TGFBR3: variants seen among roughly 807,000 people sequenced by gnomAD.
TGFBR3 encodes the protein transforming growth factor beta receptor type 3.
Under a neutral mutation model 87.9 loss-of-function variants are expected in TGFBR3, and 46 were observed. The ratio of observed to expected loss-of-function variants is 0.52; its 90% CI spans 0.41 to 0.67. TGFBR3 has a LOEUF of 0.67. Ranked by LOEUF, TGFBR3 falls within the 30% of genes least tolerant of loss-of-function variation. The probability of loss-of-function intolerance (pLI) is 0.00; values close to 1 mark genes in which losing one functional copy is unlikely to be tolerated. For synonymous variants in TGFBR3, 381 were observed against 391.6 expected, an observed-to-expected ratio of 0.97 and a Z score of 0.32; for missense variants, 866 against 1,041.9, an observed-to-expected ratio of 0.83 and a Z score of 2.32.
At chr1:91,853,259 C>CAAA (rs11340974) in intron 2 of TGFBR3, among the ~76,000 whole-genome samples, 43 of 76,530 alleles carry the variant, frequency 5.6e-4, no homozygotes, top group African/African-American at 6.5e-4. Context: ...TGAGGGTTGG[C>CAAA]AAAAAAAAAA....
chr1:91,791,588 T>C (rs975178091), intron 3 of TGFBR3, among the ~76,000 whole-genome samples: 2 of 152,104 alleles, frequency 1.3e-5, no homozygotes, highest in African/African-American at 4.8e-5. Context: ...TTGCTGGCTG[T>C]CTAACAAAGC....
At chr1:91,695,164 G>A (rs1049563207) in intron 16 of TGFBR3, among the ~76,000 whole-genome samples, 8 of 146,352 alleles carry the variant, frequency 5.5e-5, no homozygotes, top group Non-Finnish European at 1.2e-4. Context: ...TAACTTTATA[G>A]AAAAACATGA....
At chr1:91,757,946 A>C (rs1194322133) in intron 4 of TGFBR3, among the ~76,000 whole-genome samples, 1 of 152,196 alleles carries the variant, frequency 6.6e-6, no homozygotes, top group Non-Finnish European at 1.5e-5. Flanking sequence ...TACAACTACC[A>C]AGTTGCAGTG....
chr1:91,808,616 C>T (rs1675922635), intron 2 of TGFBR3, among the ~76,000 whole-genome samples: 1 of 152,150 alleles, frequency 6.6e-6, no homozygotes, highest in African/African-American at 2.4e-5. Context: ...CAGGCATGCA[C>T]CACCACACCC....
intron 4 of TGFBR3, among the ~76,000 whole-genome samples, chr1:91,736,090 T>C (rs1281705640): frequency 4.6e-5 from 7 of 152,162 alleles, no homozygotes; most frequent in African/African-American, 1.7e-4. Context: ...ATATTTTCTA[T>C]ACAATTATAT....
chr1:91,900,505 A>G (rs1679689043), intron 1 of TGFBR3, among the ~76,000 whole-genome samples: 1 of 152,250 alleles, frequency 6.6e-6, no homozygotes, highest in South Asian at 2.1e-4. Flanking sequence ...AACACTTAAA[A>G]TCACTACTAA....
chr1:91,812,667 C>A (rs1676071374), intron 2 of TGFBR3, among the ~76,000 whole-genome samples: 1 of 152,134 alleles, frequency 6.6e-6, no homozygotes, highest in Admixed American at 6.5e-5. Context: ...GGCTGGAGTG[C>A]AATGGCACCG....
In TGFBR3 at chr1:91,734,053, A is replaced by AGAGG. The variant is rs1553163106; in HGVS notation, c.568+719_568+722dup. ...CTGTTGAAGGAAGGAAGGGAGGGAG[A>AGAGG]GAGGGAGGGAGGGAGGGAGGGAGGA... On this transcript the variant is annotated intron_variant, in intron 5 of 16. Transcript: ENST00000212355. Among the ~76,000 whole-genome samples the AGAGG allele has an allele frequency of 2.7e-3, 130 of 48,656 alleles. 3 individuals are homozygous for AGAGG. Among genetic ancestry groups the AGAGG allele is most frequent in the African/African-American group, 0.011 (101 of 9,508 alleles). 31.9% of individuals were successfully genotyped at this position (48,656 alleles called of 152,430 possible).
At chr1:91,733,419 G>A (rs369392991) in intron 5 of TGFBR3, among the ~76,000 whole-genome samples, 6 of 152,330 alleles carry the variant, frequency 3.9e-5, no homozygotes, top group African/African-American at 1.4e-4. Context: ...TGGGATGCAC[G>A]TGAAGGCCCC....
chr1:91,804,465 T>C (rs565848500), intron 2 of TGFBR3, among the ~76,000 whole-genome samples: 28 of 152,272 alleles, frequency 1.8e-4, no homozygotes, highest in African/African-American at 6.5e-4. Context: ...AGCCAGCTCA[T>C]GAACCTGTCT....
intron 3 of TGFBR3, chr1:91,770,960 CA>C (rs1674357662): frequency 6.6e-6 from 1 of 152,176 alleles, no homozygotes; most frequent in Non-Finnish European, 1.5e-5. Flanking sequence ...CTCAGTAAGT[CA>C]GCAGGGACTC....
chr1:91,748,469 G>GATTTATTTATA (rs1222771259), intron 4 of TGFBR3, among the ~76,000 whole-genome samples: 4 of 152,166 alleles, frequency 2.6e-5, no homozygotes, highest in African/African-American at 9.7e-5. Flanking sequence ...CTTTATTCAA[G>GATTTATTTATA]TGAAATACTG....
intron 4 of TGFBR3, among the ~76,000 whole-genome samples, chr1:91,756,869 T>A (rs1673765022): frequency 6.6e-6 from 1 of 152,176 alleles, no homozygotes; most frequent in African/African-American, 2.4e-5. Flanking sequence ...TACAACATGT[T>A]TTTTTCCTGA....
At chr1:91,830,345 G>GC (rs1248677575) in intron 2 of TGFBR3, among the ~76,000 whole-genome samples, 4 of 152,094 alleles carry the variant, frequency 2.6e-5, no homozygotes, top group Non-Finnish European at 5.9e-5. Context: ...CTTGTGTTTG[G>GC]TATGTCTTTG....
upstream of TGFBR3, among the ~76,000 whole-genome samples, chr1:91,887,452 G>A (rs1032028961): frequency 1.3e-5 from 2 of 151,690 alleles, no homozygotes; most frequent in Admixed American, 6.6e-5. Flanking sequence ...GGTTGGCAGG[G>A]CGGGGGTCTC....
chr1:91,870,312 T>A (rs952387660), intron 1 of TGFBR3, among the ~76,000 whole-genome samples: 23 of 152,204 alleles, frequency 1.5e-4, no homozygotes, highest in African/African-American at 5.5e-4. Flanking sequence ...TCATTTTGTG[T>A]ATAATTTGTT....
At chr1:91,722,175 G>C in intron 7 of TGFBR3, 31 bp from the exon 8 acceptor site, 1 of 1,581,774 alleles carries the variant, frequency 6.3e-7, no homozygotes, top group African/African-American at 1.3e-5. Flanking sequence ...TCACTCATGA[G>C]TCTAAAATTA....
At chr1:91,735,434 C>G (rs527718947) in intron 4 of TGFBR3, among the ~76,000 whole-genome samples, 1 of 152,208 alleles carries the variant, frequency 6.6e-6, no homozygotes, top group Admixed American at 6.5e-5. Flanking sequence ...ACAGAGTCAT[C>G]ACAATAGGGA....
chr1:91,765,008 C>T (rs1008044777), intron 3 of TGFBR3, among the ~76,000 whole-genome samples: 1 of 152,190 alleles, frequency 6.6e-6, no homozygotes. Context: ...AGGCCCAACA[C>T]AAATTCGTAA....
Sources: gnomAD v4.1 joint callset for allele counts (sites outside exome capture counted in the v4.1 genomes callset) on GRCh38, gnomAD v4.1.1 for gene constraint, MANE v1.5 for transcripts, NCBI Gene and HGNC (gene_info 2026-07-23, HGNC 2026-07-21) for gene names.